Variants in VAV3 observed in about 807,000 individuals in gnomAD.
VAV3 encodes the protein vav guanine nucleotide exchange factor 3.
In VAV3, 94 loss-of-function variants were observed where a neutral mutation model predicts 131.2. The ratio of observed to expected loss-of-function variants is 0.72; its 90% CI spans 0.61 to 0.85. The LOEUF (loss-of-function observed/expected upper bound fraction) is 0.85. Ranked by LOEUF, VAV3 falls within the 40% of genes least tolerant of loss-of-function variation. The probability of loss-of-function intolerance (pLI) is 0.00; values close to 1 mark genes in which losing one functional copy is unlikely to be tolerated. For synonymous variants in VAV3, 349 were observed against 342.0 expected, an observed-to-expected ratio of 1.02 and a Z score of -0.22; for missense variants, 939 against 1,002.7, an observed-to-expected ratio of 0.94 and a Z score of 0.86.
intron 11 of VAV3, among the ~76,000 whole-genome samples, chr1:107,755,906 C>T (rs1664076078): frequency 6.6e-6 from 1 of 152,108 alleles, no homozygotes; most frequent in African/African-American, 2.4e-5. Flanking sequence ...CAATCATGAA[C>T]GATTAGCATG....
At chr1:107,909,022 T>C (rs991856944) in intron 1 of VAV3, among the ~76,000 whole-genome samples, 7 of 152,202 alleles carry the variant, frequency 4.6e-5, no homozygotes, top group Non-Finnish European at 8.8e-5. Context: ...GTTAAAGACA[T>C]GAGGGAAAAG....
chr1:107,807,352 T>C (rs751853190), intron 2 of VAV3, among the ~76,000 whole-genome samples: 5 of 152,222 alleles, frequency 3.3e-5, no homozygotes, highest in Non-Finnish European at 5.9e-5. Flanking sequence ...GCTTCTCCCC[T>C]TATATAGTAG....
At chr1:107,593,200 C>T (rs377358282) in intron 25 of VAV3, among the ~76,000 whole-genome samples, 5 of 152,052 alleles carry the variant, frequency 3.3e-5, no homozygotes. Context: ...TAATCAATAT[C>T]TTTTTAGATG....
intron 2 of VAV3, among the ~76,000 whole-genome samples, chr1:107,783,409 G>A (rs1239861645): frequency 6.6e-6 from 1 of 152,184 alleles, no homozygotes; most frequent in Non-Finnish European, 1.5e-5. Context: ...CAGGAAAGTA[G>A]TGGAAATGGG....
chr1:107,604,332 T>A (rs1174775603), intron 22 of VAV3, among the ~76,000 whole-genome samples: 1 of 152,180 alleles, frequency 6.6e-6, no homozygotes, highest in East Asian at 1.9e-4. Flanking sequence ...GGAGGACATG[T>A]TAGGTTTCCA....
At chr1:107,737,797 C>A (rs533670448) in intron 15 of VAV3, among the ~76,000 whole-genome samples, 3 of 152,136 alleles carry the variant, frequency 2.0e-5, no homozygotes, top group Admixed American at 2.0e-4. Flanking sequence ...GACAGTGTGG[C>A]GATTCCTCAA....
Position 107,723,204 on chromosome 1 carries a change from A to C in VAV3, c.1503-18143T>G, listed in dbSNP as rs1213123143. Among the ~76,000 whole-genome samples, 4 of 152,186 alleles carry C rather than the reference A, an allele frequency of 2.6e-5. No individual in the cohort carries two copies. The East Asian group carries it at 7.7e-4, about 29-fold the overall frequency. On this transcript the variant is annotated intron_variant, in intron 15 of 26. Coordinates refer to ENST00000370056, the MANE Select transcript of VAV3 (RefSeq NM_006113.5). ...TAGAACAAATTTATCCATGAAGAGC[A>C]AAACAACAGTAACAACAAAAAGAGA...
At chr1:107,674,929 C>T (rs1267339899) in intron 19 of VAV3, among the ~76,000 whole-genome samples, 2 of 152,318 alleles carry the variant, frequency 1.3e-5, no homozygotes, top group African/African-American at 4.8e-5. Flanking sequence ...GAACTGAAGA[C>T]AGCTTCTGGC....
chr1:107,800,407 G>A (rs1666771711), intron 2 of VAV3, among the ~76,000 whole-genome samples: 1 of 152,004 alleles, frequency 6.6e-6, no homozygotes, highest in African/African-American at 2.4e-5. Context: ...TGAGATGATG[G>A]TTCATTGTGG....
chr1:107,762,631 T>A (rs1479688990), intron 9 of VAV3, among the ~76,000 whole-genome samples: 1 of 152,198 alleles, frequency 6.6e-6, no homozygotes, highest in Non-Finnish European at 1.5e-5. Context: ...TTTCTTATGT[T>A]ATGCCATCCC....
intron 2 of VAV3, among the ~76,000 whole-genome samples, chr1:107,822,235 T>A (rs368018115): frequency 3.3e-5 from 5 of 152,016 alleles, no homozygotes; most frequent in Non-Finnish European, 7.4e-5. Flanking sequence ...TTGGAGCCCA[T>A]GGTTAGAAGA....
chr1:107,745,549 T>G (rs1663289688), intron 15 of VAV3, among the ~76,000 whole-genome samples: 1 of 152,166 alleles, frequency 6.6e-6, no homozygotes. Flanking sequence ...AGAACATGAC[T>G]GCGAGAGACA....
intron 15 of VAV3, among the ~76,000 whole-genome samples, chr1:107,718,232 A>T (rs1414162338): frequency 6.6e-6 from 1 of 152,184 alleles, no homozygotes; most frequent in African/African-American, 2.4e-5. Context: ...GAAAGAAATA[A>T]AGGGTATTCA....
At position 107,931,609 on chromosome 1, in the gene VAV3, T is replaced by C. The variant is rs74608279; in HGVS notation, c.204+33057A>G. On this transcript the variant is annotated intron_variant, in intron 1 of 26. Transcript: ENST00000370056. Reference sequence around the variant, plus strand: ...CAGATTATACTTTACATATTTTAGATTATCCATGGATATTAAAACACGTGA... The same window carrying C: ...CAGATTATACTTTACATATTTTAGACTATCCATGGATATTAAAACACGTGA... Among the ~76,000 whole-genome samples the C allele has an allele frequency of 6.4e-3, 980 of 152,340 alleles. 11 individuals carry two copies. The highest frequency in any genetic ancestry group is 0.023 in the African/African-American group (939 of 41,576).
chr1:107,851,735 A>T (rs542659890), intron 2 of VAV3, among the ~76,000 whole-genome samples: 13 of 152,306 alleles, frequency 8.5e-5, no homozygotes, highest in South Asian at 4.1e-4. Flanking sequence ...ATTTTTTAAG[A>T]TGCATCTAAT....
At chr1:107,581,720 C>T (rs1366528694) in intron 25 of VAV3, among the ~76,000 whole-genome samples, 1 of 152,158 alleles carries the variant, frequency 6.6e-6, no homozygotes, top group African/African-American at 2.4e-5. Flanking sequence ...GATGCCTATA[C>T]TTTTGTTGCC....
chr1:107,741,617 G>T (rs1055731622), intron 15 of VAV3, among the ~76,000 whole-genome samples: 2 of 152,094 alleles, frequency 1.3e-5, no homozygotes, highest in Non-Finnish European at 2.9e-5. Context: ...CTTTCTCCTG[G>T]GTCTGACAGG....
chr1:107,812,503 G>A (rs1372272283), intron 2 of VAV3, among the ~76,000 whole-genome samples: 1 of 151,816 alleles, frequency 6.6e-6, no homozygotes, highest in Non-Finnish European at 1.5e-5. Context: ...CTCAATACTA[G>A]ATGGAAACAG....
intron 19 of VAV3, among the ~76,000 whole-genome samples, chr1:107,671,644 G>C (rs996964475): frequency 6.6e-6 from 1 of 152,074 alleles, no homozygotes; most frequent in Admixed American, 6.6e-5. Flanking sequence ...AATAAAGGGA[G>C]ACACATATGT....
Sources: gnomAD v4.1 joint callset for allele counts (sites outside exome capture counted in the v4.1 genomes callset) on GRCh38, gnomAD v4.1.1 for gene constraint, MANE v1.5 for transcripts, NCBI Gene and HGNC (gene_info 2026-07-23, HGNC 2026-07-21) for gene names.